TGM3: variants seen among roughly 807,000 people sequenced by gnomAD.
The protein encoded by TGM3 is transglutaminase 3.
Under a neutral mutation model 73.8 loss-of-function variants are expected in TGM3, and 52 were observed. That is an observed-to-expected ratio of 0.70 (90% CI 0.56 to 0.89). The LOEUF (loss-of-function observed/expected upper bound fraction) is 0.89. Among genes scored for constraint, TGM3 ranks in the 40% least tolerant of loss-of-function variants. TGM3 has a pLI of 0.00. For synonymous variants in TGM3, 372 were observed against 354.9 expected, an observed-to-expected ratio of 1.05 and a Z score of -0.54; for missense variants, 928 against 909.9, an observed-to-expected ratio of 1.02 and a Z score of -0.26.
At chr20:2,330,235 G>A (rs1340174418) in intron 9 of TGM3, among the ~76,000 whole-genome samples, 1 of 152,174 alleles carries the variant, frequency 6.6e-6, no homozygotes, top group Non-Finnish European at 1.5e-5. Flanking sequence ...AACAGCAAAG[G>A]GAGAAAACAG....
chr20:2,332,099 G>A lies in TGM3; in HGVS notation c.1431G>A (p.Glu477=). The A allele has an allele frequency of 6.2e-7, 1 of 1,614,226 alleles. No homozygotes were observed. Among genetic ancestry groups the A allele is most frequent in the East Asian group, 2.2e-5 (1 of 44,888 alleles). ...CGTCTTCAATGGGTTTGGAAACAGAGGAACAGGAGCCCAGCATCATCGGGA... is the reference window on the plus strand; with the variant it reads ...CGTCTTCAATGGGTTTGGAAACAGAAGAACAGGAGCCCAGCATCATCGGGA... ...AATSSMGLET[E]EQEPSIIGKL... The change falls in exon 10 of 13, where the codon GAG becomes GAA. Residue 477 remains glutamate, a synonymous_variant. Coordinates refer to ENST00000381458, the MANE Select transcript of TGM3 (RefSeq NM_003245.4). This position sits in a 1 kb window ranked among gnomAD's most constrained non-coding sequence, Gnocchi z 4.4.
At chr20:2,314,867 T>C (rs1207071792) in intron 5 of TGM3, among the ~76,000 whole-genome samples, 1 of 152,346 alleles carries the variant, frequency 6.6e-6, no homozygotes, top group African/African-American at 2.4e-5. Flanking sequence ...TTGAGTTGGA[T>C]ATGTCCATGC....
intron 11 of TGM3, among the ~76,000 whole-genome samples, chr20:2,336,298 A>G (rs2084350968): frequency 6.6e-6 from 1 of 152,152 alleles, no homozygotes. Context: ...AAGGACAGGC[A>G]GACAAACGGA....
At chr20:2,318,283 T>C (rs2084246161) in intron 7 of TGM3, among the ~76,000 whole-genome samples, 1 of 152,178 alleles carries the variant, frequency 6.6e-6, no homozygotes, top group African/African-American at 2.4e-5. Context: ...CTTCCCAAAG[T>C]GCTGGGATTA....
At chr20:2,297,195 C>G (rs2084113733) in intron 1 of TGM3, among the ~76,000 whole-genome samples, 1 of 152,222 alleles carries the variant, frequency 6.6e-6, no homozygotes, top group South Asian at 2.1e-4. Context: ...ACCTTACACA[C>G]AGTGAATCCA....
At chr20:2,331,890 G>A in intron 9 of TGM3, 112 bp from the exon 10 acceptor site, 2 of 1,269,042 alleles carry the variant, frequency 1.6e-6, no homozygotes, top group Non-Finnish European at 1.1e-6. Flanking sequence ...TGCCTGCTAG[G>A]GCAGCAATGG....
intron 8 of TGM3, among the ~76,000 whole-genome samples, chr20:2,327,293 AC>A (rs1203384727): frequency 2.0e-5 from 3 of 150,802 alleles, no homozygotes; most frequent in Non-Finnish European, 4.4e-5. Context: ...ACATGGTGAA[AC>A]CCCGTCTCTA....
chr20:2,340,687 A>C lies in TGM3; in HGVS notation c.*106A>C. ...CTGTCCGGCCTGGGAAACCCTCTCC[A>C]TCTCCCAAGGCTGCCAGACATGGAC... On this transcript the variant is annotated 3_prime_UTR_variant, in exon 13 of 13. Transcript: ENST00000381458. 2.0e-6 allele frequency: 3 copies of C among 1,467,136 alleles called. No homozygotes were observed. Among genetic ancestry groups the C allele is most frequent in the South Asian group, 1.2e-5 (1 of 82,224 alleles). 90.9% of individuals were successfully genotyped at this position (1,467,136 alleles called of 1,614,324 possible). A position where few individuals can be genotyped will look rare whatever the true frequency, so the allele number is the denominator to read the frequency against.
chr20:2,316,524 T>C (rs1345162192), intron 5 of TGM3, among the ~76,000 whole-genome samples: 3 of 151,800 alleles, frequency 2.0e-5, no homozygotes. Context: ...ATCACGCCAC[T>C]GCACTCCAGC....
At chr20:2,313,111 T>C (rs2084215922) in intron 5 of TGM3, 85 bp downstream of exon 5, 10 of 1,559,332 alleles carry the variant, frequency 6.4e-6, no homozygotes, top group Non-Finnish European at 8.7e-6. Context: ...TCTTTACATA[T>C]GTCATCTCAT....
chr20:2,323,701 T>G (rs1324866784), intron 7 of TGM3, among the ~76,000 whole-genome samples: 1 of 152,246 alleles, frequency 6.6e-6, no homozygotes, highest in Non-Finnish European at 1.5e-5. Context: ...TTTTCCCACC[T>G]GGAAATGAGC....
chr20:2,328,366 G>T lies in TGM3; in HGVS notation c.1333+1G>T. The stretch of plus-strand genomic sequence containing the variant: ...ACGGACAAGTACAAGTACCCAGAAG[G>T]TAGGAGGGACGCTGGCGGGGCAGTG... On this transcript the variant is annotated splice_donor_variant, in intron 9 of 12. Transcript: ENST00000381458. LOFTEE classifies it high-confidence loss of function. This position sits in a 1 kb window ranked among gnomAD's most constrained non-coding sequence, Gnocchi z 5.2. The T allele has an allele frequency of 1.2e-6, 2 of 1,613,982 alleles. No homozygotes were observed. The highest frequency in any genetic ancestry group is 1.7e-6 in the Non-Finnish European group (2 of 1,179,892).
In TGM3 at chr20:2,340,569, T is replaced by C. The variant is rs1042619; in HGVS notation, c.2070T>C (p.Asp690=). The change falls in exon 13 of 13, where the codon GAT becomes GAC. Residue 690 remains aspartate, a synonymous_variant. Transcript: ENST00000381458. Reference sequence around the variant, plus strand: ...CAATCAAGGCCATGTTGTCCATCGATGTAGCCGAATGAAGGGCGCTGGTGG... The same window carrying C: ...CAATCAAGGCCATGTTGTCCATCGACGTAGCCGAATGAAGGGCGCTGGTGG... ...FPAIKAMLSI[D]VAE 2.5e-6 allele frequency: 4 copies of C among 1,614,116 alleles called. No individual in the cohort carries two copies. Among genetic ancestry groups the C allele is most frequent in the Non-Finnish European group, 3.4e-6 (4 of 1,180,014 alleles).
chr20:2,300,940 GAGA>G (rs2084143250), intron 1 of TGM3, among the ~76,000 whole-genome samples: 2 of 152,072 alleles, frequency 1.3e-5, no homozygotes, highest in South Asian at 4.1e-4. Context: ...AACCCTAAGA[GAGA>G]AGATGTTCCA....
chr20:2,317,128 G>T lies in TGM3; in HGVS notation c.730G>T (p.Gly244Cys). Residue 244 changes from glycine (G) to cysteine (C), a missense_variant, in exon 6 of 13, where the codon GGC becomes TGC. Transcript: ENST00000381458. Reference protein sequence around the residue: ...AGNWSGTYTGGRDPRSWNGSV... With the variant: ...AGNWSGTYTGCRDPRSWNGSV... ...GAATTGGAGCGGCACTTACACCGGT[G>T]GCCGGGACCCAAGGAGCTGGAACGG... 1 of 1,614,014 alleles carries T rather than the reference G, an allele frequency of 6.2e-7. No individual in the cohort carries two copies. The highest frequency in any genetic ancestry group is 8.5e-7 in the Non-Finnish European group (1 of 1,180,018).
chr20:2,309,584 G>T (rs1041170954), intron 1 of TGM3, 73 bp from the exon 2 acceptor site: 22 of 1,525,818 alleles, frequency 1.4e-5, no homozygotes, highest in Non-Finnish European at 1.8e-5. Context: ...CTGCTCTTTG[G>T]TAACTTACAC....
chr20:2,315,189 G>A (rs970500584), intron 5 of TGM3, among the ~76,000 whole-genome samples: 14 of 152,170 alleles, frequency 9.2e-5, no homozygotes, highest in African/African-American at 2.7e-4. Flanking sequence ...TGACTCACTC[G>A]CACCCCAGGG....
intron 7 of TGM3, among the ~76,000 whole-genome samples, chr20:2,323,139 T>C (rs1465024539): frequency 6.6e-6 from 1 of 152,206 alleles, no homozygotes; most frequent in Non-Finnish European, 1.5e-5. Flanking sequence ...TGGCAATTTG[T>C]GAGATTTTGT....
At chr20:2,339,082 C>T (rs759993179) in intron 11 of TGM3, among the ~76,000 whole-genome samples, 1 of 152,234 alleles carries the variant, frequency 6.6e-6, no homozygotes, top group Non-Finnish European at 1.5e-5. Flanking sequence ...AAATGGTGCA[C>T]AGGGAACCTC....
Sources: gnomAD v4.1 joint callset for allele counts (sites outside exome capture counted in the v4.1 genomes callset) on GRCh38, gnomAD v4.1.1 for gene constraint, Gnocchi (gnomAD v3.1) non-coding constraint, MANE v1.5 for transcripts, NCBI Gene and HGNC (gene_info 2026-07-23, HGNC 2026-07-21) for gene names.